Variants in MSL2 observed in about 807,000 individuals in gnomAD.
The protein encoded by MSL2 is MSL complex subunit 2.
In MSL2, 2 loss-of-function variants were observed where a neutral mutation model predicts 35.8. The observed-to-expected ratio is 0.06, with a 90% CI of 0.02 to 0.18. The LOEUF is 0.18. MSL2 is among the 10% of genes least tolerant of loss of function. The pLI is 1.00. For missense variants in MSL2, 523 were observed against 706.7 expected (o/e 0.74, Z 2.95); for synonymous variants, 296 against 255.7 (o/e 1.16, Z -1.50).
intron 1 of MSL2, among the ~76,000 whole-genome samples, chr3:136,186,539 TC>T (rs1940529655): frequency 6.6e-6 from 1 of 152,170 alleles, no homozygotes; most frequent in African/African-American, 2.4e-5. Flanking sequence ...CCACCTGAGC[TC>T]TGCCTGTCAG....
chr3:136,180,280 C>T (rs557442904), intron 1 of MSL2, among the ~76,000 whole-genome samples: 14 of 152,182 alleles, frequency 9.2e-5, no homozygotes, highest in Non-Finnish European at 1.8e-4. Context: ...AAAACGGCAT[C>T]TACAAACACT....
At chr3:136,192,843 G>GA (rs896795144) in intron 1 of MSL2, among the ~76,000 whole-genome samples, 1 of 152,102 alleles carries the variant, frequency 6.6e-6, no homozygotes, top group Non-Finnish European at 1.5e-5. Flanking sequence ...TTCAGCTAAG[G>GA]AAAAAAGTCT....
intron 1 of MSL2, among the ~76,000 whole-genome samples, chr3:136,170,479 G>A (rs1271626698): frequency 6.7e-6 from 1 of 149,464 alleles, no homozygotes; most frequent in African/African-American, 2.5e-5. Context: ...ATTTTCTACA[G>A]GATGACCAAA....
chr3:136,159,305 T>C (rs932408816), intron 1 of MSL2, among the ~76,000 whole-genome samples: 7 of 151,860 alleles, frequency 4.6e-5, no homozygotes, highest in Admixed American at 6.6e-5. Context: ...GTCAACCAAT[T>C]TGTGCGACAG....
At chr3:136,168,930 T>C (rs920031507) in intron 1 of MSL2, among the ~76,000 whole-genome samples, 5 of 151,960 alleles carry the variant, frequency 3.3e-5, no homozygotes, top group Admixed American at 6.6e-5. Flanking sequence ...TACAATCATA[T>C]ATACAGAAGA....
chr3:136,160,337 A>AG (rs1939669297), intron 1 of MSL2, among the ~76,000 whole-genome samples: 2 of 8,008 alleles, frequency 2.5e-4, no homozygotes, highest in Admixed American at 1.5e-3. Flanking sequence ...GAGGGAAGGA[A>AG]GGAGGGAGGG....
In MSL2 at chr3:136,173,570, T is replaced by G. The variant is rs138091912; in HGVS notation, c.143-20832A>C. ...ATGTAGTTTATAAAAATCTGCCAAT[T>G]CCACCCCTTCAGGTTTTATTTGCAT... On this transcript the variant is annotated intron_variant, in intron 1 of 1. Coordinates refer to ENST00000309993, the MANE Select transcript of MSL2 (RefSeq NM_018133.4). Among the ~76,000 whole-genome samples, 37 of 152,250 alleles carry G rather than the reference T, an allele frequency of 2.4e-4. No homozygotes were observed. In the East Asian group the frequency reaches 7.1e-3, roughly 29 times the overall value.
chr3:136,154,300 A>T (rs1939456060), intron 1 of MSL2, among the ~76,000 whole-genome samples: 1 of 152,222 alleles, frequency 6.6e-6, no homozygotes, highest in South Asian at 2.1e-4. Context: ...GTTTAATTAT[A>T]AACCACAAGT....
At chr3:136,156,985 A>G (rs570159654) in intron 1 of MSL2, among the ~76,000 whole-genome samples, 2 of 152,378 alleles carry the variant, frequency 1.3e-5, no homozygotes, top group South Asian at 2.1e-4. Flanking sequence ...TACATATTGT[A>G]AAGCCCATTT....
chr3:136,171,186 T>C (rs938352918), intron 1 of MSL2, among the ~76,000 whole-genome samples: 7 of 152,212 alleles, frequency 4.6e-5, no homozygotes, highest in African/African-American at 1.4e-4. Flanking sequence ...CAAAAGGAAG[T>C]GTAAAGTTAG....
intron 1 of MSL2, among the ~76,000 whole-genome samples, chr3:136,156,640 G>A (rs1375422407): frequency 1.3e-5 from 2 of 152,096 alleles, no homozygotes; most frequent in Non-Finnish European, 2.9e-5. Flanking sequence ...CAAGGCAGGC[G>A]GATCACGAGG....
chr3:136,188,439 G>GAAA (rs35989218), intron 1 of MSL2, among the ~76,000 whole-genome samples: 1 of 101,320 alleles, frequency 9.9e-6, no homozygotes. Context: ...TCTGGAAGAA[G>GAAA]AAAAAAAAAA....
rs772896027 is a variant in MSL2, at chr3:136,194,952, A to G, written c.142+20T>C. ...TTTTAAAAACAAGCATTGAAAAGGGAACAATAAAAAGCGTCTCACCGCAAA... is the reference window on the plus strand; with the variant it reads ...TTTTAAAAACAAGCATTGAAAAGGGGACAATAAAAAGCGTCTCACCGCAAA... On this transcript the variant is annotated intron_variant, in intron 1 of 1. Transcript: ENST00000309993. 1 of 1,613,430 alleles carries G rather than the reference A, an allele frequency of 6.2e-7. No homozygotes were observed. The highest frequency in any genetic ancestry group is 1.7e-5 in the Admixed American group (1 of 59,674).
chr3:136,158,194 C>A (rs1255599367), intron 1 of MSL2, among the ~76,000 whole-genome samples: 3 of 152,086 alleles, frequency 2.0e-5, no homozygotes, highest in African/African-American at 7.2e-5. Flanking sequence ...TGCCTGTAAT[C>A]CCAGCTACTC....
intron 1 of MSL2, among the ~76,000 whole-genome samples, chr3:136,154,834 C>G (rs1045606008): frequency 3.3e-5 from 5 of 152,052 alleles, no homozygotes; most frequent in Non-Finnish European, 7.4e-5. Flanking sequence ...GAGGTGGACA[C>G]TCATTTAAGC....
chr3:136,176,545 G>A (rs1454948576), intron 1 of MSL2, among the ~76,000 whole-genome samples: 4 of 146,918 alleles, frequency 2.7e-5, no homozygotes, highest in African/African-American at 7.7e-5. Flanking sequence ...AAAACTTTTC[G>A]GCTGGGCACA....
At chr3:136,172,101 G>A (rs1018445894) in intron 1 of MSL2, among the ~76,000 whole-genome samples, 4 of 152,054 alleles carry the variant, frequency 2.6e-5, no homozygotes, top group East Asian at 1.9e-4. Flanking sequence ...GTGAGCCACC[G>A]CACCTGGCCT....
At chr3:136,192,231 G>GGAGCC (rs1418043311) in intron 1 of MSL2, among the ~76,000 whole-genome samples, 3 of 152,164 alleles carry the variant, frequency 2.0e-5, no homozygotes, top group Admixed American at 6.6e-5. Context: ...GGAGTGCAGT[G>GGAGCC]GTGCGATCTC....
intron 1 of MSL2, among the ~76,000 whole-genome samples, chr3:136,158,003 G>A (rs1939581716): frequency 6.6e-6 from 1 of 152,042 alleles, no homozygotes; most frequent in Non-Finnish European, 1.5e-5. Context: ...AAGAAAACAA[G>A]GCCACCAGAC....
Sources: gnomAD v4.1 joint callset for allele counts (sites outside exome capture counted in the v4.1 genomes callset) on GRCh38, gnomAD v4.1.1 for gene constraint, MANE v1.5 for transcripts, NCBI Gene and HGNC (gene_info 2026-07-23, HGNC 2026-07-21) for gene names.